Variants in CD101 observed in about 807,000 individuals in gnomAD.
The protein encoded by CD101 is CD101 molecule, also known as immunoglobulin superfamily member 2.
Under a neutral mutation model 98.2 loss-of-function variants are expected in CD101, and 76 were observed. The observed-to-expected ratio is 0.77, with a 90% CI of 0.64 to 0.94. The LOEUF is 0.94. Ranked by LOEUF, CD101 falls within the 40% of genes least tolerant of loss-of-function variation. CD101 has a pLI of 0.00. For missense variants in CD101, 1,145 were observed against 1,218.8 expected (o/e 0.94, Z 0.90); for synonymous variants, 471 against 472.7 (o/e 1.00, Z 0.05).
rs1557779197 is a variant in CD101 at position 117,029,233 on chromosome 1, GAAAGAAAGAA to G, written c.2824+3331_2824+3340del. On this transcript the variant is annotated intron_variant, in intron 8 of 9. Coordinates refer to ENST00000682167, the MANE Select transcript of CD101 (RefSeq NM_001256106.3). ...GAAAGAAAAGAAAGAAAGAAAGAAA[GAAAGAAAGAA>G]AGAAAGAAAGAAAGAAAGAAAGAAA... Among the ~76,000 whole-genome samples the G allele has an allele frequency of 1.8e-5, 2 of 109,460 alleles. 1 individual carries two copies. Among genetic ancestry groups the G allele is most frequent in the Non-Finnish European group, 3.7e-5 (2 of 53,888 alleles). The allele number at this position is 109,460 out of a possible 152,430, so 71.8% of individuals were successfully genotyped here. A position where few individuals can be genotyped will look rare whatever the true frequency, so the allele number is the denominator to read the frequency against.
In CD101 at chr1:117,005,039, A is replaced by G. The variant is rs1424287262; in HGVS notation, c.43+3179A>G. ...TAGCGAGCTTCCTGGACTCTTTTAC[A>G]AGGGCATTAATCCCATTCATGAGAG... On this transcript the variant is annotated intron_variant, in intron 1 of 9. Transcript: ENST00000682167. The surrounding 1 kb of genome is among the most constrained non-coding windows in gnomAD (Gnocchi z 4.4). Among the ~76,000 whole-genome samples, 1 of 152,050 alleles carries G rather than the reference A, an allele frequency of 6.6e-6. No individual in the cohort carries two copies. The highest frequency in any genetic ancestry group is 2.4e-5 in the African/African-American group (1 of 41,390).
At chr1:117,034,560 T>C (rs969950806) in intron 9 of CD101, among the ~76,000 whole-genome samples, 3 of 152,176 alleles carry the variant, frequency 2.0e-5, no homozygotes, top group African/African-American at 7.2e-5. Context: ...ATTGGTAACA[T>C]GCTCTTTGTT....
At position 117,023,809 on chromosome 1, in the gene CD101, C is replaced by A. The variant is rs1257195144; in HGVS notation, c.2429-1700C>A. On this transcript the variant is annotated intron_variant, in intron 7 of 9. Transcript: ENST00000682167. The surrounding 1 kb of genome is among the most constrained non-coding windows in gnomAD (Gnocchi z 4.4). ...CCGGTTGTGCACGTCATTTAGGGAA[C>A]AAGTTAACCAAGAGGCCCCAGAAAG... Among the ~76,000 whole-genome samples, 1 of 152,026 alleles carries A rather than the reference C, an allele frequency of 6.6e-6. No individual in the cohort carries two copies. The highest frequency in any genetic ancestry group is 2.4e-5 in the African/African-American group (1 of 41,392).
At position 117,025,759 on chromosome 1, in the gene CD101, C is replaced by A; in HGVS notation, c.2679C>A (p.Val893=). 2.5e-6 allele frequency: 4 copies of A among 1,614,164 alleles called. No homozygotes were observed. The South Asian group carries it at 3.3e-5, about 13-fold the overall frequency. The part of the protein sequence containing the change: ...HCYRSSSTDF[V]LKLHQVEMED... ...ACCGTTCATCCTCTACAGACTTTGT[C>A]CTGAAGCTTCATCAGGTGGAGATGG... The change falls in exon 8 of 10, where the codon GTC becomes GTA. Residue 893 remains valine, a synonymous_variant. Coordinates refer to ENST00000682167, the MANE Select transcript of CD101 (RefSeq NM_001256106.3).
At chr1:117,009,228 G>C (rs756303868) in intron 1 of CD101, among the ~76,000 whole-genome samples, 1 of 152,206 alleles carries the variant, frequency 6.6e-6, no homozygotes, top group Non-Finnish European at 1.5e-5. Context: ...AGGCTTTTCA[G>C]TAAAGCTATA....
intron 8 of CD101, among the ~76,000 whole-genome samples, chr1:117,031,942 C>T (rs1490453980): frequency 6.6e-6 from 1 of 152,214 alleles, no homozygotes; most frequent in African/African-American, 2.4e-5. Flanking sequence ...TGGCTCCATT[C>T]ACTTGCATCA....
At position 117,009,883 on chromosome 1, in the gene CD101, T is replaced by C; in HGVS notation, c.77T>C (p.Val26Ala). Residue 26 changes from valine to alanine, a missense_variant, in exon 2 of 10, where the codon GTT becomes GCT. Val to Ala is a moderately conservative substitution (Grantham distance 64). Transcript: ENST00000682167. ...AGCATTGGCCAGAGAGAAGTAACAG[T>C]TCAGAAAGGACCACTGTTTAGAGCT... ...KLSIGQREVT[V>A]QKGPLFRAEG... is the part of the protein sequence containing the mutation. 3 of 1,611,970 alleles carry C rather than the reference T, an allele frequency of 1.9e-6. No homozygotes were observed. The highest frequency in any genetic ancestry group is 2.5e-6 in the Non-Finnish European group (3 of 1,178,634).
intron 8 of CD101, among the ~76,000 whole-genome samples, chr1:117,028,653 T>C (rs1306923019): frequency 6.6e-6 from 1 of 151,900 alleles, no homozygotes; most frequent in East Asian, 1.9e-4. Context: ...GATGGAGAGC[T>C]GGGAAGGGAA....
At chr1:117,035,945 CAG>C (rs1654795338) in intron 9 of CD101, among the ~76,000 whole-genome samples, 1 of 152,070 alleles carries the variant, frequency 6.6e-6, no homozygotes, top group Admixed American at 6.5e-5. Flanking sequence ...TGAGCCTGGG[CAG>C]AGAATCTTGG....
chr1:117,017,979 T>G (rs1259886066), intron 5 of CD101, among the ~76,000 whole-genome samples, 177 bp from the exon 6 acceptor site: 1 of 152,152 alleles, frequency 6.6e-6, no homozygotes, highest in Non-Finnish European at 1.5e-5. Flanking sequence ...TTTGCAAAAT[T>G]GAGGTCACAG....
In CD101 at chr1:117,036,107, A is replaced by G. The variant is rs1434924177; in HGVS notation, c.*34-61A>G. Reference sequence around the variant, plus strand: ...TAGCACAGAGGAGATGTAAGCAGACAGGGAGGGTCTCCTGGGAAAGCAGAC... The same window carrying G: ...TAGCACAGAGGAGATGTAAGCAGACGGGGAGGGTCTCCTGGGAAAGCAGAC... On this transcript the variant is annotated intron_variant, in intron 9 of 9. Coordinates refer to ENST00000682167, the MANE Select transcript of CD101 (RefSeq NM_001256106.3). The surrounding 1 kb of genome is among the most constrained non-coding windows in gnomAD (Gnocchi z 5.0). 2.0e-5 allele frequency: 3 copies of G among 152,264 alleles called. No individual in the cohort carries two copies. Among genetic ancestry groups the G allele is most frequent in the Non-Finnish European group, 4.4e-5 (3 of 68,090 alleles). The allele number at this position is 152,264 out of a possible 1,614,324, so 9.4% of individuals were successfully genotyped here. A position where few individuals can be genotyped will look rare whatever the true frequency, so the allele number is the denominator to read the frequency against.
In CD101 at chr1:117,011,623, C is replaced by T; in HGVS notation, c.498C>T (p.Leu166=). 6.2e-7 allele frequency: 1 copy of T among 1,614,130 alleles called. No individual in the cohort carries two copies. The change falls in exon 3 of 10, where the codon CTC becomes CTT. Residue 166 remains leucine (L), a synonymous_variant. Coordinates refer to ENST00000682167, the MANE Select transcript of CD101 (RefSeq NM_001256106.3). ...AGGAGGAAGGTGAGCCATTAGCCCT[C>T]ACCTGTGAGGCATCCAAAGCCACAG... ...LGKEEGEPLA[L]TCEASKATAQ...
chr1:117,021,786 C>T lies in CD101; in HGVS notation c.2231C>T (p.Thr744Ile). 1 of 1,614,060 alleles carries T rather than the reference C, an allele frequency of 6.2e-7. No homozygotes were observed. Among genetic ancestry groups the T allele is most frequent in the South Asian group, 1.1e-5 (1 of 91,076 alleles). ...NVIKTGDEFH[T>I]PQRKQKFHTE... ...ATAAAAACTGGGGATGAGTTTCACA[C>T]CCCACAGAGAAAACAAAAATTTCAT... Residue 744 changes from threonine to isoleucine, a missense_variant, in exon 7 of 10, where the codon ACC becomes ATC. Thr to Ile is a moderately conservative substitution (Grantham distance 89, BLOSUM62 -1). Coordinates refer to ENST00000682167, the MANE Select transcript of CD101 (RefSeq NM_001256106.3). The surrounding 1 kb of genome is among the most constrained non-coding windows in gnomAD (Gnocchi z 4.7).
In CD101 at chr1:117,021,992, T is replaced by G. The variant is rs1418976544; in HGVS notation, c.2428+9T>G. On this transcript the variant is annotated intron_variant, in intron 7 of 9. Transcript: ENST00000682167. The surrounding 1 kb of genome is among the most constrained non-coding windows in gnomAD (Gnocchi z 4.7). The stretch of plus-strand genomic sequence containing the variant: ...GAAACTCAAGCCCACAGGTAAACCT[T>G]GCGAGTGTATCCTCACAATGTCTGT... 1 of 1,593,132 alleles carries G rather than the reference T, an allele frequency of 6.3e-7. No individual in the cohort carries two copies. The highest frequency in any genetic ancestry group is 8.5e-7 in the Non-Finnish European group (1 of 1,170,432).
rs1653445294 is a variant in CD101, at chr1:117,019,578, G to T, written c.2017+1018G>T. On this transcript the variant is annotated intron_variant, in intron 6 of 9. Coordinates refer to ENST00000682167, the MANE Select transcript of CD101 (RefSeq NM_001256106.3). The surrounding 1 kb of genome is among the most constrained non-coding windows in gnomAD (Gnocchi z 4.3). ...TTCTTTAAAGAAAACAGTTTCTCTG[G>T]ATTCTATTCTTAGCTTTGTTCTCTT... Among the ~76,000 whole-genome samples the T allele has an allele frequency of 6.6e-6, 1 of 151,964 alleles. No homozygotes were observed. The highest frequency in any genetic ancestry group is 2.4e-5 in the African/African-American group (1 of 41,358).
intron 1 of CD101, among the ~76,000 whole-genome samples, chr1:117,008,431 C>T (rs1199196244): frequency 6.6e-6 from 1 of 151,988 alleles, no homozygotes; most frequent in Non-Finnish European, 1.5e-5. Context: ...CACCACAACA[C>T]TCCAGCCTGG....
rs186468826 is a variant in CD101, at chr1:117,021,586, A to G, written c.2031A>G (p.Lys677=). The G allele has an allele frequency of 1.3e-6, 2 of 1,576,292 alleles. No homozygotes were observed. Among genetic ancestry groups the G allele is most frequent in the East Asian group, 2.2e-5 (1 of 44,652 alleles). The change falls in exon 7 of 10, where the codon AAA becomes AAG. Residue 677 remains lysine, a synonymous_variant. Transcript: ENST00000682167. The surrounding 1 kb of genome is among the most constrained non-coding windows in gnomAD (Gnocchi z 4.7). Reference sequence around the variant, plus strand: ...TTTTAAATTTAGAGAGCAAGCTAAAAGTGAATTCAAGGAGTCAAGTCCAAG... The same window carrying G: ...TTTTAAATTTAGAGAGCAAGCTAAAGGTGAATTCAAGGAGTCAAGTCCAAG... ...IAVTLPESKL[K]VNSRSQVQEL...
At chr1:117,003,057 G>A (rs530194518) in intron 1 of CD101, among the ~76,000 whole-genome samples, 2 of 152,244 alleles carry the variant, frequency 1.3e-5, no homozygotes, top group South Asian at 4.1e-4. Context: ...TGGGAGAATC[G>A]CTTGAACCTG....
chr1:117,012,784 A>G lies in CD101; in HGVS notation c.842-622A>G, dbSNP rs930912086. Among the ~76,000 whole-genome samples the G allele has an allele frequency of 2.0e-5, 3 of 152,184 alleles. No individual in the cohort carries two copies. Among genetic ancestry groups the G allele is most frequent in the Admixed American group, 6.5e-5 (1 of 15,278 alleles). ...GCCTTGTCTGTGATTCCTGGTCTCT[A>G]TAGGCTTTTGTCCAACAGGAAGTGG... On this transcript the variant is annotated intron_variant, in intron 3 of 9. Coordinates refer to ENST00000682167, the MANE Select transcript of CD101 (RefSeq NM_001256106.3). The surrounding 1 kb of genome is among the most constrained non-coding windows in gnomAD (Gnocchi z 4.0).
Sources: gnomAD v4.1 joint callset for allele counts (sites outside exome capture counted in the v4.1 genomes callset) on GRCh38, gnomAD v4.1.1 for gene constraint, Gnocchi (gnomAD v3.1) non-coding constraint, MANE v1.5 for transcripts, NCBI Gene and HGNC (gene_info 2026-07-23, HGNC 2026-07-21) for gene names.